The following INTS1 variants were observed in gnomAD, a reference collection of about 807,000 sequenced individuals.
The protein encoded by INTS1 is integrator complex subunit 1.
In INTS1, 137 loss-of-function variants were observed where a neutral mutation model predicts 241.6. That is an observed-to-expected ratio of 0.57 (90% CI 0.49 to 0.65). The LOEUF is 0.65. INTS1 is among the 30% of genes least tolerant of loss of function. The pLI is 0.00. For missense variants in INTS1, 3,073 were observed against 3,032.2 expected (o/e 1.01, Z -0.32); for synonymous variants, 1,692 against 1,337.8 (o/e 1.26, Z -5.78).
chr7:1,494,840 T>C lies in INTS1; in HGVS notation c.1886A>G (p.Asn629Ser), dbSNP rs1782766811. The C allele has an allele frequency of 1.9e-6, 3 of 1,568,554 alleles. No individual in the cohort carries two copies. The highest frequency in any genetic ancestry group is 2.6e-6 in the Non-Finnish European group (3 of 1,157,472). ...CTTGCGGTCACTCTCGGGTGGCCAG[T>C]TGTCCCACTTGTAGTAGGTCTCCGG... The part of the protein sequence containing the change: ...EQPETYYKWD[N>S]WPPESDRNFF... The change falls in exon 14 of 48, where the codon AAC (asparagine) becomes AGC (serine). Residue 629 changes from asparagine (N) to serine (S), a missense_variant. Physicochemically the swap from Asn to Ser is conservative, Grantham distance 46. Coordinates refer to ENST00000404767, the MANE Select transcript of INTS1 (RefSeq NM_001080453.3).
Position 1,478,295 on chromosome 7 carries a change from G to A in INTS1, c.4630+71C>T, listed in dbSNP as rs987923499. On this transcript the variant is annotated intron_variant, in intron 33 of 47. Coordinates refer to ENST00000404767, the MANE Select transcript of INTS1 (RefSeq NM_001080453.3). ...GACACTGTCCGTCCCCCACTGGGCA[G>A]CTAGAAGGAGCCTCAGGTTTGGGTC... 2.8e-5 allele frequency: 43 copies of A among 1,541,576 alleles called. No individual in the cohort carries two copies. The Middle Eastern group carries it at 7.0e-4, about 25-fold the overall frequency.
Position 1,499,367 on chromosome 7 carries a change from A to G in INTS1, c.845-7T>C. The G allele has an allele frequency of 6.4e-7, 1 of 1,570,704 alleles. No individual in the cohort carries two copies. The highest frequency in any genetic ancestry group is 8.7e-7 in the Non-Finnish European group (1 of 1,155,576). ...GAGGGGTGTGGGCTGCTCCCTGCAA[A>G]CCAAGGAGAGGGCTCCATGCAGCGC... On this transcript the variant is annotated splice_polypyrimidine_tract_variant and splice_region_variant and intron_variant, in intron 6 of 47. Coordinates refer to ENST00000404767, the MANE Select transcript of INTS1 (RefSeq NM_001080453.3).
chr7:1,490,974 C>G (rs1782519869), intron 16 of INTS1, among the ~76,000 whole-genome samples: 1 of 152,226 alleles, frequency 6.6e-6, no homozygotes, highest in South Asian at 2.1e-4. Flanking sequence ...CGACAGGGCG[C>G]CAAGACGGCC....
chr7:1,503,417 G>A (rs550972792), intron 2 of INTS1, among the ~76,000 whole-genome samples: 38 of 152,294 alleles, frequency 2.5e-4, no homozygotes, highest in Admixed American at 5.2e-4. Flanking sequence ...GCCATCTCTG[G>A]TCTATCCAAA....
At chr7:1,471,073 G>T in intron 46 of INTS1, 60 bp downstream of exon 46, 1 of 1,529,658 alleles carries the variant, frequency 6.5e-7, no homozygotes, top group Non-Finnish European at 8.8e-7. Context: ...GGGTCAAGCG[G>T]TGACCTGGGT....
chr7:1,485,243 G>A (rs373363161), intron 23 of INTS1, 41 bp from the exon 24 acceptor site: 148 of 1,597,264 alleles, frequency 9.3e-5, no homozygotes, highest in Non-Finnish European at 1.1e-4. Flanking sequence ...GGGCAGGGCT[G>A]CGGCCCTCTC....
At chr7:1,494,186 C>T (rs1049103388) in intron 14 of INTS1, among the ~76,000 whole-genome samples, 2 of 152,238 alleles carry the variant, frequency 1.3e-5, no homozygotes, top group Non-Finnish European at 2.9e-5. Flanking sequence ...ACAACCACCA[C>T]ACGGAGACTC....
chr7:1,480,105 G>C (rs1781923952), intron 30 of INTS1, among the ~76,000 whole-genome samples: 1 of 152,268 alleles, frequency 6.6e-6, no homozygotes, highest in Non-Finnish European at 1.5e-5. Flanking sequence ...CCCCAATGTT[G>C]GCCTAGCCTC....
rs189107064 is a variant in INTS1 at position 1,499,180 on chromosome 7, C to T, written c.951-19G>A. The T allele has an allele frequency of 1.7e-4, 267 of 1,605,386 alleles. No homozygotes were observed. The highest frequency in any genetic ancestry group is 2.1e-4 in the Non-Finnish European group (251 of 1,176,646). ...TTCGTACCTAGGCCAGAGGAGGGAG[C>T]GAGGAGGGAGGAAGGTGGCCCCGAG... is the stretch of plus-strand genomic sequence containing the variant. On this transcript the variant is annotated intron_variant, in intron 7 of 47. Coordinates refer to ENST00000404767, the MANE Select transcript of INTS1 (RefSeq NM_001080453.3).
Position 1,485,443 on chromosome 7 carries a change from G to T in INTS1, c.3003C>A (p.Gly1001=), listed in dbSNP as rs1297079690. Residue 1001 remains glycine, a synonymous_variant, in exon 23 of 48, where the codon GGC becomes GGA. Coordinates refer to ENST00000404767, the MANE Select transcript of INTS1 (RefSeq NM_001080453.3). The part of the protein sequence containing the change: ...MKGLSLVLSE[G]SLRDGEEKEP... ...CCTTCTCCTCCCCGTCCCGCAGGCT[G>T]CCCTCCGAAAGCACCAGCGACAAAC... 1.2e-6 allele frequency: 2 copies of T among 1,612,488 alleles called. No homozygotes were observed. The highest frequency in any genetic ancestry group is 2.7e-5 in the African/African-American group (2 of 74,936).
At chr7:1,480,483 AC>A in intron 29 of INTS1, 42 bp from the exon 30 acceptor site, 1 of 1,594,598 alleles carries the variant, frequency 6.3e-7, no homozygotes, top group Non-Finnish European at 8.6e-7. Context: ...ACACTTTCTG[AC>A]CTGCTTCCAG....
intron 39 of INTS1, among the ~76,000 whole-genome samples, chr7:1,475,240 C>A (rs761915680): frequency 1.3e-4 from 20 of 152,014 alleles, no homozygotes; most frequent in Non-Finnish European, 2.5e-4. Flanking sequence ...AAAAGAGTAA[C>A]TGGGTGTGGT....
chr7:1,491,643 G>A (rs1239677398), intron 16 of INTS1, among the ~76,000 whole-genome samples: 1 of 152,210 alleles, frequency 6.6e-6, no homozygotes, highest in Non-Finnish European at 1.5e-5. Flanking sequence ...CATCACACCT[G>A]TAACCCCAAC....
intron 38 of INTS1, 27 bp from the exon 39 acceptor site, chr7:1,476,098 A>T: frequency 6.5e-7 from 1 of 1,531,958 alleles, no homozygotes; most frequent in Non-Finnish European, 8.8e-7. Context: ...AGGGCTCACC[A>T]GGCGGACGGG....
chr7:1,494,560 G>C, intron 14 of INTS1: 1 of 564,780 alleles, frequency 1.8e-6, no homozygotes, highest in South Asian at 2.0e-5. Context: ...GGAAGGCGGG[G>C]GTCCGGGGGA....
intron 16 of INTS1, among the ~76,000 whole-genome samples, chr7:1,492,281 G>T (rs1422387643): frequency 6.6e-6 from 1 of 152,192 alleles, no homozygotes; most frequent in Non-Finnish European, 1.5e-5. Context: ...CTTTGATACT[G>T]CCTCATGCTA....
At chr7:1,485,535 G>C in intron 22 of INTS1, 66 bp from the exon 23 acceptor site, 6 of 1,514,674 alleles carry the variant, frequency 4.0e-6, no homozygotes, top group Non-Finnish European at 5.4e-6. Context: ...CCCTGGCCCC[G>C]GGAGCACACG....
chr7:1,483,515 C>A (rs1001088699), intron 26 of INTS1: 1 of 600,142 alleles, frequency 1.7e-6, no homozygotes, highest in Non-Finnish European at 3.0e-6. Context: ...GCTCTACAGG[C>A]TGGGAGGTCC....
rs146366481 is a variant in INTS1 at position 1,470,541 on chromosome 7, G to A, written c.*36C>T. The A allele has an allele frequency of 0.016, 22,647 of 1,456,682 alleles. 272 individuals are homozygous for A. Among genetic ancestry groups the A allele is most frequent in the Middle Eastern group, 0.027 (156 of 5,688 alleles). The allele number at this position is 1,456,682 out of a possible 1,614,324, so 90.2% of individuals were successfully genotyped here. On this transcript the variant is annotated 3_prime_UTR_variant, in exon 48 of 48. Transcript: ENST00000404767. ...CCTCGAGGATCCCCGGGGACGGGAC[G>A]GGCCGGGGCTTGGAGGGGGGTCGGC...
Sources: gnomAD v4.1 joint callset for allele counts (sites outside exome capture counted in the v4.1 genomes callset) on GRCh38, gnomAD v4.1.1 for gene constraint, MANE v1.5 for transcripts, NCBI Gene and HGNC (gene_info 2026-07-23, HGNC 2026-07-21) for gene names.